Variants in SHISA4 observed in about 807,000 individuals in gnomAD.
The protein encoded by SHISA4 is protein shisa-4.
Under a neutral mutation model 24.2 loss-of-function variants are expected in SHISA4, and 16 were observed. The ratio of observed to expected loss-of-function variants is 0.66; its 90% confidence interval spans 0.45 to 1.00. The LOEUF (loss-of-function observed/expected upper bound fraction) is 1.00. Among genes scored for constraint, SHISA4 ranks in the 50% least tolerant of loss-of-function variants. The pLI, the probability that SHISA4 is intolerant of heterozygous loss-of-function variation, is 0.00. For missense variants in SHISA4, 238 were observed against 258.9 expected (o/e 0.92, Z 0.55); for synonymous variants, 106 against 105.4 (o/e 1.01, Z -0.04).
chr1:201,890,504 T>C lies in SHISA4; in HGVS notation c.296T>C (p.Val99Ala). The C allele has an allele frequency of 6.2e-7, 1 of 1,614,280 alleles. No homozygotes were observed. Among genetic ancestry groups the C allele is most frequent in the South Asian group, 1.1e-5 (1 of 91,092 alleles). Residue 99 changes from valine (V) to alanine (A), a missense_variant, in exon 3 of 5, where the codon GTG becomes GCG. Physicochemically the swap from Val to Ala is moderately conservative, Grantham distance 64 (BLOSUM62 0). Coordinates refer to ENST00000362011, the MANE Select transcript of SHISA4 (RefSeq NM_198149.3). ...TCAGCTGTGATCCTCTTTGTTGCTG[T>C]GGTTGCCACCACCATCTGCTGCTTC... ...IASAVILFVA[V>A]VATTICCFLC...
chr1:201,891,132 T>A (rs908771527), intron 3 of SHISA4, among the ~76,000 whole-genome samples: 2 of 152,004 alleles, frequency 1.3e-5, no homozygotes, highest in Non-Finnish European at 2.9e-5. Context: ...CTTGCCCAAG[T>A]GAGATATTCC....
rs1025219430 is a variant in SHISA4, at chr1:201,889,474, C to CTGGA, written c.104_107dup (p.Arg37GlyfsTer11). The CTGGA allele has an allele frequency of 1.2e-6, 2 of 1,613,658 alleles. No individual in the cohort carries two copies. Among genetic ancestry groups the CTGGA allele is most frequent in the Non-Finnish European group, 1.7e-6 (2 of 1,180,046 alleles). Reference sequence around the variant, plus strand: ...GGCCGGCGAGGACTGCCTGTGGTACCTGGACCGGAATGGCTCCTGGCATCC... The same window carrying CTGGA: ...GGCCGGCGAGGACTGCCTGTGGTACCTGGATGGACCGGAATGGCTCCTGGCATCC... On this transcript the variant is annotated frameshift_variant, in exon 2 of 5. Coordinates refer to ENST00000362011, the MANE Select transcript of SHISA4 (RefSeq NM_198149.3). LOFTEE classifies it high-confidence loss of function.
In SHISA4 at chr1:201,892,250, C is replaced by G. The variant is rs1398822186; in HGVS notation, c.*404C>G. On this transcript the variant is annotated 3_prime_UTR_variant, in exon 5 of 5. Transcript: ENST00000362011. ...AGCTGGCAGTAGCCCTCCTCTCTGGCTGCCCCACTGGCCACATCTCTGGCC... is the reference window on the plus strand; with the variant it reads ...AGCTGGCAGTAGCCCTCCTCTCTGGGTGCCCCACTGGCCACATCTCTGGCC... 2 of 257,736 alleles carry G rather than the reference C, an allele frequency of 7.8e-6. No individual in the cohort carries two copies. Among genetic ancestry groups the G allele is most frequent in the African/African-American group, 4.5e-5 (2 of 44,326 alleles). 16.0% of individuals were successfully genotyped at this position (257,736 alleles called of 1,614,324 possible). A position where few individuals can be genotyped will look rare whatever the true frequency, so the allele number is the denominator to read the frequency against.
At chr1:201,890,185 T>C (rs1471505342) in intron 2 of SHISA4, among the ~76,000 whole-genome samples, 2 of 152,186 alleles carry the variant, frequency 1.3e-5, no homozygotes, top group Non-Finnish European at 2.9e-5. Context: ...ATGCTGTATG[T>C]CTAATCATTT....
At chr1:201,888,869 C>A (rs1318423953), upstream of SHISA4, 2 of 551,482 alleles carry the variant, frequency 3.6e-6, no homozygotes, top group East Asian at 7.2e-5. Context: ...GTCCCACCCC[C>A]AGAGGAGGCG....
Position 201,889,560 on chromosome 1 carries a change from C to T in SHISA4, c.189C>T (p.Cys63=), listed in dbSNP as rs1681053902. The change falls in exon 2 of 5, where the codon TGC becomes TGT. Residue 63 remains cysteine (C), a synonymous_variant. Coordinates refer to ENST00000362011, the MANE Select transcript of SHISA4 (RefSeq NM_198149.3). The stretch of plus-strand genomic sequence containing the variant: ...GGACCTGCTACCATCGGTACTGCTG[C>T]AGGGACCTGACCTTGCTTATCACCG... ...CCGTCYHRYC[C]RDLTLLITER... The T allele has an allele frequency of 6.2e-7, 1 of 1,613,976 alleles. No homozygotes were observed. Among genetic ancestry groups the T allele is most frequent in the Non-Finnish European group, 8.5e-7 (1 of 1,180,030 alleles).
In SHISA4 at chr1:201,892,131, T is replaced by C. The variant is rs918320951; in HGVS notation, c.*285T>C. On this transcript the variant is annotated 3_prime_UTR_variant, in exon 5 of 5. Coordinates refer to ENST00000362011, the MANE Select transcript of SHISA4 (RefSeq NM_198149.3). ...GGTCACAGTGCCTGTTTTCAAATAG[T>C]CCCTCTGCTCCCAAGATCCCAGCCA... 3 of 368,572 alleles carry C rather than the reference T, an allele frequency of 8.1e-6. No individual in the cohort carries two copies. The highest frequency in any genetic ancestry group is 1.5e-5 in the Non-Finnish European group (3 of 202,544). The allele number at this position is 368,572 out of a possible 1,614,324, so 22.8% of individuals were successfully genotyped here.
rs1681113814 is a variant in SHISA4, at chr1:201,892,182, C to A, written c.*336C>A. On this transcript the variant is annotated 3_prime_UTR_variant, in exon 5 of 5. Transcript: ENST00000362011. ...GGAAGGCTGGGGCCCTACTGTTTGT[C>A]CCCTCTGGGCTGGGGTGGGGGGAGG... 3.6e-6 allele frequency: 1 copy of A among 279,646 alleles called. No individual in the cohort carries two copies. The allele number at this position is 279,646 out of a possible 1,614,324, so 17.3% of individuals were successfully genotyped here. A position where few individuals can be genotyped will look rare whatever the true frequency, so the allele number is the denominator to read the frequency against.
intron 3 of SHISA4, among the ~76,000 whole-genome samples, chr1:201,890,979 G>A (rs1681085201): frequency 6.6e-6 from 1 of 152,188 alleles, no homozygotes; most frequent in Non-Finnish European, 1.5e-5. Flanking sequence ...GTGTTGGCAT[G>A]TGATGCACAT....
chr1:201,890,522 G>A lies in SHISA4; in HGVS notation c.314G>A (p.Cys105Tyr). The change falls in exon 3 of 5, where the codon TGC (cysteine) becomes TAC (tyrosine). Residue 105 changes from cysteine to tyrosine, a missense_variant. Coordinates refer to ENST00000362011, the MANE Select transcript of SHISA4 (RefSeq NM_198149.3). ...GTTGCTGTGGTTGCCACCACCATCT[G>A]CTGCTTCCTCTGTTCCTGTTGCTAC... ...LFVAVVATTI[C>Y]CFLCSCCYLY... is the part of the protein sequence containing the mutation. 1.9e-6 allele frequency: 3 copies of A among 1,614,242 alleles called. No homozygotes were observed. Among genetic ancestry groups the A allele is most frequent in the Non-Finnish European group, 2.5e-6 (3 of 1,180,048 alleles).
intron 1 of SHISA4, 101 bp from the exon 2 acceptor site, chr1:201,889,344 C>A (rs928968993): frequency 1.3e-6 from 2 of 1,504,580 alleles, no homozygotes; most frequent in Non-Finnish European, 1.8e-6. Flanking sequence ...CCTCAGTGTT[C>A]GGGAGCCGTC....
chr1:201,891,902 T>C lies in SHISA4; in HGVS notation c.*56T>C. ...GTGATGCCAACCTTGGGAGATGCCC[T>C]CATCCTGTACCTGCATCTGGTCCTG... On this transcript the variant is annotated 3_prime_UTR_variant, in exon 5 of 5. Transcript: ENST00000362011. 6.3e-7 allele frequency: 1 copy of C among 1,596,764 alleles called. No homozygotes were observed. Among genetic ancestry groups the C allele is most frequent in the Non-Finnish European group, 8.6e-7 (1 of 1,164,552 alleles).
chr1:201,890,511 C>T lies in SHISA4; in HGVS notation c.303C>T (p.Ala101=), dbSNP rs1681074068. Residue 101 remains alanine (A), a synonymous_variant, in exon 3 of 5, where the codon GCC becomes GCT. Transcript: ENST00000362011. ...SAVILFVAVV[A]TTICCFLCSC... Reference sequence around the variant, plus strand: ...TGATCCTCTTTGTTGCTGTGGTTGCCACCACCATCTGCTGCTTCCTCTGTT... The same window carrying T: ...TGATCCTCTTTGTTGCTGTGGTTGCTACCACCATCTGCTGCTTCCTCTGTT... 1 of 1,614,120 alleles carries T rather than the reference C, an allele frequency of 6.2e-7. No homozygotes were observed. Among genetic ancestry groups the T allele is most frequent in the Non-Finnish European group, 8.5e-7 (1 of 1,180,058 alleles).
chr1:201,889,289 G>A, intron 1 of SHISA4, 156 bp from the exon 2 acceptor site: 1 of 1,093,972 alleles, frequency 9.1e-7, no homozygotes, highest in Non-Finnish European at 1.3e-6. Flanking sequence ...CAGAGGCCTC[G>A]GGGGCTCTGG....
chr1:201,888,862 C>A, upstream of SHISA4: 1 of 512,378 alleles, frequency 2.0e-6, no homozygotes, highest in Non-Finnish European at 3.0e-6. Context: ...GCGCTTAGTC[C>A]CACCCCCAGA....
chr1:201,890,328 G>A (rs1681069827), intron 2 of SHISA4, 126 bp from the exon 3 acceptor site: 2 of 1,261,910 alleles, frequency 1.6e-6, no homozygotes, highest in Non-Finnish European at 2.2e-6. Flanking sequence ...ACTGGGCAGA[G>A]CCCCACAAGG....
At chr1:201,888,830 C>G, upstream of SHISA4, 1 of 406,480 alleles carries the variant, frequency 2.5e-6, no homozygotes, top group Non-Finnish European at 4.2e-6. Flanking sequence ...GGAGCCGCGC[C>G]GGCTGGGTTA....
intron 2 of SHISA4, 47 bp downstream of exon 2, chr1:201,889,663 C>G (rs761334088): frequency 1.1e-5 from 17 of 1,596,912 alleles, no homozygotes; most frequent in Non-Finnish European, 1.4e-5. Context: ...ATCCTTTTCT[C>G]CAGAGGCCTC....
chr1:201,889,259 G>C, intron 1 of SHISA4, 186 bp from the exon 2 acceptor site: 1 of 933,768 alleles, frequency 1.1e-6, no homozygotes, highest in Non-Finnish European at 1.6e-6. Flanking sequence ...CTGATCCCGG[G>C]GTGCAGGGTC....
Sources: gnomAD v4.1 joint callset for allele counts (sites outside exome capture counted in the v4.1 genomes callset) on GRCh38, gnomAD v4.1.1 for gene constraint, MANE v1.5 for transcripts, NCBI Gene and HGNC (gene_info 2026-07-23, HGNC 2026-07-21) for gene names.